The following TJP1 variants were observed in gnomAD, a reference collection of about 807,000 sequenced individuals.
TJP1 encodes the protein tight junction protein ZO-1.
In TJP1, 43 loss-of-function variants were observed where a neutral mutation model predicts 194.2. The observed-to-expected ratio is 0.22, with a 90% CI of 0.17 to 0.29. The LOEUF (loss-of-function observed/expected upper bound fraction) is 0.29. Ranked by LOEUF, TJP1 falls within the 10% of genes least tolerant of loss-of-function variation. TJP1 has a pLI of 1.00. For missense variants in TJP1, 1,971 were observed against 2,185.7 expected, an observed-to-expected ratio of 0.90 and a Z score of 1.96; for synonymous variants, 801 against 779.0, an observed-to-expected ratio of 1.03 and a Z score of -0.47.
At chr15:29,905,193 G>A (rs374229092) in intron 2 of TJP1, among the ~76,000 whole-genome samples, 6 of 152,188 alleles carry the variant, frequency 3.9e-5, no homozygotes, top group African/African-American at 1.4e-4. Context: ...CAAAAGCATA[G>A]ATTAGCACAA....
chr15:29,726,716 T>C (rs937783145), intron 17 of TJP1, 65 bp downstream of exon 17: 14 of 1,458,540 alleles, frequency 9.6e-6, no homozygotes, highest in Non-Finnish European at 1.1e-5. Context: ...CACCGTAACA[T>C]TTTGGCCTAC....
At chr15:29,953,519 T>C (rs1258352083) in intron 2 of TJP1, among the ~76,000 whole-genome samples, 1 of 151,634 alleles carries the variant, frequency 6.6e-6, no homozygotes, top group East Asian at 1.9e-4. Context: ...CCCCTACATA[T>C]TTTGGGTATT....
chr15:29,727,109 C>A, intron 16 of TJP1, 118 bp from the exon 17 acceptor site: 2 of 839,500 alleles, frequency 2.4e-6, no homozygotes, highest in South Asian at 3.5e-5. Flanking sequence ...TTTGGGAGGT[C>A]GAGGTGGGTG....
At chr15:29,801,406 G>A (rs1026597518) in intron 1 of TJP1, among the ~76,000 whole-genome samples, 3 of 151,942 alleles carry the variant, frequency 2.0e-5, no homozygotes, top group African/African-American at 4.8e-5. Context: ...AAATTATAGC[G>A]TACTTCAGTT....
chr15:29,944,414 A>G (rs557269176), intron 2 of TJP1, among the ~76,000 whole-genome samples: 2 of 152,178 alleles, frequency 1.3e-5, no homozygotes, highest in South Asian at 4.1e-4. Context: ...TAGTATCACA[A>G]TTTTGACCTA....
intron 1 of TJP1, chr15:29,968,022 T>C (rs2056389161): frequency 2.1e-6 from 2 of 969,350 alleles, no homozygotes; most frequent in East Asian, 1.1e-4. Context: ...AAATGCAATA[T>C]ACAATCCTGT....
At chr15:29,740,056 C>T (rs866104733) in intron 10 of TJP1, among the ~76,000 whole-genome samples, 1 of 151,602 alleles carries the variant, frequency 6.6e-6, no homozygotes, top group African/African-American at 2.4e-5. Context: ...GGTGTGACCT[C>T]GGCTCACTGC....
chr15:29,796,672 A>C (rs2048433707), intron 2 of TJP1, among the ~76,000 whole-genome samples: 1 of 152,234 alleles, frequency 6.6e-6, no homozygotes, highest in Non-Finnish European at 1.5e-5. Context: ...AAAAGTTGAC[A>C]AAATTATTCT....
At chr15:29,705,973 C>A (rs1192852032) in intron 25 of TJP1, among the ~76,000 whole-genome samples, 1 of 152,132 alleles carries the variant, frequency 6.6e-6, no homozygotes, top group Admixed American at 6.5e-5. Flanking sequence ...ACTCTGTCGC[C>A]CAGGCTGGAG....
chr15:29,838,668 T>C (rs912221807), intron 2 of TJP1, among the ~76,000 whole-genome samples: 14 of 151,976 alleles, frequency 9.2e-5, no homozygotes, highest in African/African-American at 3.1e-4. Context: ...TTTATCACAA[T>C]GTAGTCTTTC....
At chr15:29,966,654 G>C (rs2056344379) in intron 1 of TJP1, among the ~76,000 whole-genome samples, 1 of 41,636 alleles carries the variant, frequency 2.4e-5, no homozygotes, top group African/African-American at 1.0e-4. Context: ...ATTTGTACCA[G>C]ACATCCGTTG....
intron 1 of TJP1, chr15:29,968,003 T>C (rs1430980822): frequency 2.1e-6 from 2 of 944,288 alleles, no homozygotes; most frequent in African/African-American, 3.6e-5. Context: ...TTACGGATTA[T>C]TATTAATAAA....
intron 1 of TJP1, among the ~76,000 whole-genome samples, chr15:29,816,479 T>C (rs1011087661): frequency 1.3e-5 from 2 of 152,196 alleles, no homozygotes; most frequent in Non-Finnish European, 2.9e-5. Context: ...ACTATATAAA[T>C]TAAAGCTTTA....
intron 2 of TJP1, among the ~76,000 whole-genome samples, chr15:29,860,594 T>C (rs1050862101): frequency 2.0e-5 from 3 of 152,214 alleles, no homozygotes; most frequent in Non-Finnish European, 2.9e-5. Context: ...TGGTATCACA[T>C]GTATTAATAC....
At chr15:29,840,561 G>T (rs908716232) in intron 2 of TJP1, among the ~76,000 whole-genome samples, 2 of 152,118 alleles carry the variant, frequency 1.3e-5, no homozygotes, top group Admixed American at 1.3e-4. Context: ...TCCAGGAGCT[G>T]AATCTTGGGC....
intron 2 of TJP1, among the ~76,000 whole-genome samples, chr15:29,858,727 T>C (rs1386709244): frequency 6.6e-6 from 1 of 151,986 alleles, no homozygotes; most frequent in Non-Finnish European, 1.5e-5. Flanking sequence ...GTATTTTTTT[T>C]GTAGAGACAG....
intron 2 of TJP1, among the ~76,000 whole-genome samples, chr15:29,786,403 C>T (rs1395773665): frequency 6.6e-6 from 1 of 152,186 alleles, no homozygotes; most frequent in Non-Finnish European, 1.5e-5. Flanking sequence ...GCCAAATTAC[C>T]TACCCTTTAT....
chr15:29,756,350 A>AT (rs1315917167), intron 8 of TJP1, among the ~76,000 whole-genome samples: 3 of 152,238 alleles, frequency 2.0e-5, no homozygotes, highest in Non-Finnish European at 4.4e-5. Context: ...ATGTATATGT[A>AT]TTTTTTGAAT....
chr15:29,897,622 G>A (rs1490108608), intron 2 of TJP1, among the ~76,000 whole-genome samples: 1 of 152,184 alleles, frequency 6.6e-6, no homozygotes, highest in African/African-American at 2.4e-5. Context: ...CTGAATACCA[G>A]TCCGTAAAAG....
Sources: gnomAD v4.1 joint callset for allele counts (sites outside exome capture counted in the v4.1 genomes callset) on GRCh38, gnomAD v4.1.1 for gene constraint, MANE v1.5 for transcripts, NCBI Gene and HGNC (gene_info 2026-07-23, HGNC 2026-07-21) for gene names.